EFCAB7: variants seen among roughly 807,000 people sequenced by gnomAD.
EFCAB7 encodes EF-hand calcium binding domain 7.
EFCAB7 carries 66 observed loss-of-function variants against 77.1 expected under a neutral mutation model. That is an observed-to-expected ratio of 0.86 (90% CI 0.70 to 1.05). The LOEUF is 1.05. Ranked by LOEUF, EFCAB7 falls within the 50% of genes least tolerant of loss-of-function variation. The probability of loss-of-function intolerance (pLI) is 0.00; values close to 1 mark genes in which losing one functional copy is unlikely to be tolerated. For synonymous variants in EFCAB7, 225 were observed against 243.3 expected, an observed-to-expected ratio of 0.92 and a Z score of 0.70; for missense variants, 638 against 730.5, an observed-to-expected ratio of 0.87 and a Z score of 1.46.
At chr1:63,571,453 C>T (rs1046430584) in intron 13 of EFCAB7, among the ~76,000 whole-genome samples, 4 of 151,944 alleles carry the variant, frequency 2.6e-5, no homozygotes, top group Non-Finnish European at 4.4e-5. Context: ...GTGGGTGGAT[C>T]ACCTGAGGTC....
Position 63,533,637 on chromosome 1 carries a change from T to C in EFCAB7, c.670T>C (p.Phe224Leu), listed in dbSNP as rs1461756892. 5.1e-6 allele frequency: 8 copies of C among 1,573,796 alleles called. No homozygotes were observed. The South Asian group carries it at 8.3e-5, about 16-fold the overall frequency. ...CACAAGAAAAACTGATCCAGAAACATTCTTAAATAAAGGTATTTACTTTTA... is the reference window on the plus strand; with the variant it reads ...CACAAGAAAAACTGATCCAGAAACACTCTTAAATAAAGGTATTTACTTTTA... ...KITRKTDPET[F>L]LNKGDTRSSL... The change falls in exon 5 of 14, where the codon TTC (phenylalanine) becomes CTC (leucine). Residue 224 changes from phenylalanine (F) to leucine (L), a missense_variant. Coordinates refer to ENST00000371088, the MANE Select transcript of EFCAB7 (RefSeq NM_032437.4).
At chr1:63,579,105 T>C in the EFCAB7 span, among the ~76,000 whole-genome samples, 1 of 152,258 alleles carries the variant, frequency 6.6e-6, no homozygotes, top group East Asian at 1.9e-4. Flanking sequence ...GCTTTCACAG[T>C]TCTATTAATG....
At chr1:63,568,210 C>T in intron 11 of EFCAB7, 100 bp from the exon 12 acceptor site, 1 of 997,010 alleles carries the variant, frequency 1.0e-6, no homozygotes, top group Non-Finnish European at 1.4e-6. Context: ...ATTAGAAGGA[C>T]AAGCTAGAAG....
At chr1:63,538,778 C>G (rs1198356862) in intron 6 of EFCAB7, among the ~76,000 whole-genome samples, 1 of 152,120 alleles carries the variant, frequency 6.6e-6, no homozygotes, top group Non-Finnish European at 1.5e-5. Context: ...GTTGAGTAAG[C>G]ATTGTATGTT....
chr1:63,561,870 T>C lies in EFCAB7; in HGVS notation c.1497+13T>C. 7 of 1,548,940 alleles carry C rather than the reference T, an allele frequency of 4.5e-6. No homozygotes were observed. The highest frequency in any genetic ancestry group is 6.1e-6 in the Non-Finnish European group (7 of 1,149,940). On this transcript the variant is annotated intron_variant, in intron 11 of 13. Transcript: ENST00000371088. ...GGAGTTGACAGAGGTAAAGTATTCT[T>C]AAACTTTTGCCAATGGGTTTAATGT...
At chr1:63,549,622 T>A (rs1361536970) in intron 7 of EFCAB7, 2 of 401,948 alleles carry the variant, frequency 5.0e-6, no homozygotes, top group African/African-American at 4.3e-5. Context: ...TATTTAGATA[T>A]ATCGCTTGCA....
intron 6 of EFCAB7, 43 bp downstream of exon 6, chr1:63,534,259 T>G: frequency 6.4e-7 from 1 of 1,571,330 alleles, no homozygotes; most frequent in Non-Finnish European, 8.7e-7. Context: ...CTGAAAAAAA[T>G]TTGACATTAA....
intron 6 of EFCAB7, among the ~76,000 whole-genome samples, chr1:63,544,604 G>A (rs909476217): frequency 2.0e-5 from 3 of 151,764 alleles, no homozygotes; most frequent in Admixed American, 1.3e-4. Flanking sequence ...GTAAAGACGG[G>A]GTTTCACCAT....
intron 1 of EFCAB7, among the ~76,000 whole-genome samples, chr1:63,525,119 G>C (rs898362901): frequency 2.0e-5 from 3 of 152,030 alleles, no homozygotes; most frequent in African/African-American, 7.3e-5. Flanking sequence ...CACTTACTAC[G>C]TGTCAAGCAA....
rs181219443 is a variant in EFCAB7, at chr1:63,557,701, A to T, written c.1348+454A>T. Among the ~76,000 whole-genome samples, 160 of 152,356 alleles carry T rather than the reference A, an allele frequency of 1.1e-3. 2 individuals are homozygous for T. Among genetic ancestry groups the T allele is most frequent in the African/African-American group, 3.6e-3 (149 of 41,588 alleles). On this transcript the variant is annotated intron_variant, in intron 10 of 13. Transcript: ENST00000371088. ...TGCTTTTCGTATTTGAGTTGAATTT[A>T]AAAAGTCCATTTATGGAAATATTGA...
At chr1:63,559,457 T>A (rs1220441217) in intron 10 of EFCAB7, among the ~76,000 whole-genome samples, 1 of 152,168 alleles carries the variant, frequency 6.6e-6, no homozygotes, top group Non-Finnish European at 1.5e-5. Flanking sequence ...GTTCATAGTT[T>A]ACATTAGGTT....
At chr1:63,573,366 G>A (rs1417622549), downstream of EFCAB7, among the ~76,000 whole-genome samples, 4 of 152,144 alleles carry the variant, frequency 2.6e-5, no homozygotes, top group Non-Finnish European at 2.9e-5. Flanking sequence ...ATACAGTTCT[G>A]TATGAATTGA....
chr1:63,531,022 C>T (rs184685136), intron 2 of EFCAB7, among the ~76,000 whole-genome samples: 1 of 152,222 alleles, frequency 6.6e-6, no homozygotes, highest in East Asian at 1.9e-4. Context: ...AAAAGCCTCT[C>T]TTCTAGCTGT....
In EFCAB7 at chr1:63,553,760, C is replaced by T. The variant is rs142924956; in HGVS notation, c.1057-1598C>T. Among the ~76,000 whole-genome samples the T allele has an allele frequency of 5.0e-3, 755 of 152,264 alleles. 8 individuals are homozygous for T. The highest frequency in any genetic ancestry group is 0.017 in the African/African-American group (709 of 41,558). ...GCCAGGGCAGAAATGGAACTAAACC[C>T]AGAACTTAGATGAGCAACATTATTT... On this transcript the variant is annotated intron_variant, in intron 8 of 13. Coordinates refer to ENST00000371088, the MANE Select transcript of EFCAB7 (RefSeq NM_032437.4).
intron 1 of EFCAB7, among the ~76,000 whole-genome samples, 177 bp downstream of exon 1, chr1:63,523,811 G>C (rs1224894262): frequency 6.6e-6 from 1 of 152,162 alleles, no homozygotes; most frequent in Non-Finnish European, 1.5e-5. Context: ...TAGAGAGATG[G>C]TGCCCGAGAT....
At chr1:63,564,860 A>C (rs1647151669) in intron 11 of EFCAB7, among the ~76,000 whole-genome samples, 1 of 152,230 alleles carries the variant, frequency 6.6e-6, no homozygotes, top group African/African-American at 2.4e-5. Flanking sequence ...GTACAAGAAC[A>C]AACATATAGA....
rs568542683 is a variant in EFCAB7 at position 63,533,616 on chromosome 1, A to C, written c.649A>C (p.Arg217=). The C allele has an allele frequency of 6.3e-7, 1 of 1,582,764 alleles. No individual in the cohort carries two copies. The highest frequency in any genetic ancestry group is 1.2e-5 in the South Asian group (1 of 85,478). ...PVPKPSPKIT[R]KTDPETFLNK... ...ACCAAAACCATCACCTAAAATCACAAGAAAAACTGATCCAGAAACATTCTT... is the reference window on the plus strand; with the variant it reads ...ACCAAAACCATCACCTAAAATCACACGAAAAACTGATCCAGAAACATTCTT... The change falls in exon 5 of 14, where the codon AGA becomes CGA. Residue 217 remains arginine (R), a synonymous_variant. Coordinates refer to ENST00000371088, the MANE Select transcript of EFCAB7 (RefSeq NM_032437.4).
intron 9 of EFCAB7, 44 bp downstream of exon 9, chr1:63,555,559 G>T (rs1472979655): frequency 1.1e-5 from 17 of 1,535,908 alleles, no homozygotes; most frequent in Non-Finnish European, 1.5e-5. Context: ...ATCTAGACTG[G>T]ATAGATATTA....
chr1:63,553,982 A>AT (rs1570422960), intron 8 of EFCAB7, among the ~76,000 whole-genome samples: 2 of 152,132 alleles, frequency 1.3e-5, no homozygotes, highest in East Asian at 3.9e-4. Context: ...CTATAGATGC[A>AT]TTATTATTAT....
Sources: gnomAD v4.1 joint callset for allele counts (sites outside exome capture counted in the v4.1 genomes callset) on GRCh38, gnomAD v4.1.1 for gene constraint, MANE v1.5 for transcripts, NCBI Gene and HGNC (gene_info 2026-07-23, HGNC 2026-07-21) for gene names.